Variants in HEATR5A observed in about 807,000 individuals in gnomAD.
The protein encoded by HEATR5A is HEAT repeat containing 5A.
A neutral mutation model predicts 218.8 loss-of-function variants in HEATR5A; 178 were observed. The observed-to-expected ratio is 0.81, with a 90% CI of 0.72 to 0.92. The LOEUF is 0.92. Among genes scored for constraint, HEATR5A ranks in the 40% least tolerant of loss-of-function variants. HEATR5A has a pLI of 0.00. For missense variants in HEATR5A, 2,420 were observed against 2,418.9 expected, an observed-to-expected ratio of 1.00 and a Z score of -0.01; for synonymous variants, 864 against 871.6, an observed-to-expected ratio of 0.99 and a Z score of 0.15.
rs1351816014 is a variant in HEATR5A, at chr14:31,315,781, C to T, written c.4207G>A (p.Ala1403Thr). ...TAAGAAATACCAACCTCTGCCCAGG[C>T]TTTAAGCACAGCTAAGATCTCCATG... ...STMEILAVLKAWAEVYIIAVQ... is the reference protein window; with the variant it reads ...STMEILAVLKTWAEVYIIAVQ... The change falls in exon 27 of 36, where the codon GCC becomes ACC. Residue 1403 changes from alanine (A) to threonine (T), a missense_variant. By Grantham distance (58) the Ala-to-Thr change is moderately conservative. Coordinates refer to ENST00000543095, the MANE Select transcript of HEATR5A (RefSeq NM_015473.4). 35 of 1,598,168 alleles carry T rather than the reference C, an allele frequency of 2.2e-5. No homozygotes were observed. In the East Asian group the frequency reaches 7.8e-4, roughly 36 times the overall value.
chr14:31,344,016 A>G lies in HEATR5A; in HGVS notation c.3108T>C (p.Cys1036=). The G allele has an allele frequency of 6.2e-7, 1 of 1,605,522 alleles. No homozygotes were observed. The highest frequency in any genetic ancestry group is 8.5e-7 in the Non-Finnish European group (1 of 1,176,522). The change falls in exon 21 of 36, where the codon TGT becomes TGC. Residue 1036 remains cysteine, a synonymous_variant. Coordinates refer to ENST00000543095, the MANE Select transcript of HEATR5A (RefSeq NM_015473.4). ...AGTCTGGGTTATCTTGCATTACTGCACAACCCAGTAGACAGGAAGTCCTTA... is the reference window on the plus strand; with the variant it reads ...AGTCTGGGTTATCTTGCATTACTGCGCAACCCAGTAGACAGGAAGTCCTTA... The part of the protein sequence containing the change: ...STLRTSCLLG[C]AVMQDNPDCL...
chr14:31,343,716 A>C lies in HEATR5A; in HGVS notation c.3228+180T>G, dbSNP rs374069289. The stretch of plus-strand genomic sequence containing the variant: ...AGAAAAATTAATAGAAGAGAGACTT[A>C]GGAGCTGATTGCATGAAAGCTGCCC... On this transcript the variant is annotated intron_variant, in intron 21 of 35. Coordinates refer to ENST00000543095, the MANE Select transcript of HEATR5A (RefSeq NM_015473.4). Among the ~76,000 whole-genome samples the C allele has an allele frequency of 1.2e-3, 178 of 152,344 alleles. 6 individuals carry two copies. The South Asian group carries it at 0.035, about 30-fold the overall frequency.
intron 7 of HEATR5A, among the ~76,000 whole-genome samples, chr14:31,388,074 A>G (rs1387267507): frequency 6.6e-6 from 1 of 152,218 alleles, no homozygotes; most frequent in Admixed American, 6.5e-5. Context: ...ATGCTCCAAC[A>G]TTATAACTCT....
In HEATR5A at chr14:31,344,043, G is replaced by A. The variant is rs747891195; in HGVS notation, c.3081C>T (p.Thr1027=). The change falls in exon 21 of 36, where the codon ACC becomes ACT. Residue 1027 remains threonine, a synonymous_variant. Coordinates refer to ENST00000543095, the MANE Select transcript of HEATR5A (RefSeq NM_015473.4). ...AACCCAGTAGACAGGAAGTCCTTAA[G>A]GTAGAAATTGAAGTACTGTTACCTA... ...ELQGNSTSIS[T]LRTSCLLGCA... is the part of the protein sequence containing the mutation. 1 of 1,542,620 alleles carries A rather than the reference G, an allele frequency of 6.5e-7. No homozygotes were observed. Among genetic ancestry groups the A allele is most frequent in the Admixed American group, 2.1e-5 (1 of 46,962 alleles).
chr14:31,308,931 G>T lies in HEATR5A; in HGVS notation c.4690+3C>A. The T allele has an allele frequency of 1.2e-6, 2 of 1,606,936 alleles. No homozygotes were observed. The highest frequency in any genetic ancestry group is 1.1e-5 in the South Asian group (1 of 90,632). On this transcript the variant is annotated splice_donor_region_variant and intron_variant, in intron 29 of 35. Coordinates refer to ENST00000543095, the MANE Select transcript of HEATR5A (RefSeq NM_015473.4). Reference sequence around the variant, plus strand: ...GTAAACTTGTAAAAGTGGTTTAACTGACCTAAAATAAGATGGAATCTATCA... The same window carrying T: ...GTAAACTTGTAAAAGTGGTTTAACTTACCTAAAATAAGATGGAATCTATCA...
At position 31,407,636 on chromosome 14, in the gene HEATR5A, A is replaced by G. The variant is rs541857707; in HGVS notation, c.-74-4587T>C. 2.6e-3 allele frequency among the ~76,000 whole-genome samples: 193 copies of G among 74,176 alleles called. 1 individual carries two copies. The Middle Eastern group carries it at 0.032, about 12-fold the overall frequency. 48.7% of individuals were successfully genotyped at this position (74,176 alleles called of 152,430 possible). On this transcript the variant is annotated intron_variant, in intron 1 of 35. Transcript: ENST00000543095. Reference sequence around the variant, plus strand: ...TATATATATATATATATATATATATATGTATTTTGGAGATGGAGTTTCACT... The same window carrying G: ...TATATATATATATATATATATATATGTGTATTTTGGAGATGGAGTTTCACT...
At chr14:31,371,118 A>G (rs1432242113) in intron 13 of HEATR5A, among the ~76,000 whole-genome samples, 1 of 152,132 alleles carries the variant, frequency 6.6e-6, no homozygotes, top group African/African-American at 2.4e-5. Context: ...TCATTCATTC[A>G]CCTATTATCC....
chr14:31,299,455 C>T (rs1252160243), intron 33 of HEATR5A, among the ~76,000 whole-genome samples: 3 of 152,324 alleles, frequency 2.0e-5, no homozygotes, highest in East Asian at 1.9e-4. Flanking sequence ...CACAGTGGCT[C>T]ATGCCTGTAA....
chr14:31,314,295 G>A (rs748619909), intron 27 of HEATR5A, among the ~76,000 whole-genome samples: 11 of 149,856 alleles, frequency 7.3e-5, no homozygotes, highest in African/African-American at 1.2e-4. Context: ...TTTCGCTCTT[G>A]TTCCCCAAGC....
At position 31,323,571 on chromosome 14, in the gene HEATR5A, A is replaced by C. The variant is rs1900173990; in HGVS notation, c.3781T>G (p.Ser1261Ala). The C allele has an allele frequency of 6.3e-7, 1 of 1,595,738 alleles. No individual in the cohort carries two copies. Among genetic ancestry groups the C allele is most frequent in the African/African-American group, 1.3e-5 (1 of 74,704 alleles). The change falls in exon 24 of 36, where the codon TCA becomes GCA. Residue 1261 changes from serine (S) to alanine (A), a missense_variant. Physicochemically the swap from Ser to Ala is moderately conservative, Grantham distance 99. Coordinates refer to ENST00000543095, the MANE Select transcript of HEATR5A (RefSeq NM_015473.4). ...TCATCACTATGTCACTTACTTCTTG[A>C]ATCTCTTTTTTTCATTTCTTGTGCT... ...ALAQEMKKRDSRNDFLVLHLA... is the reference protein window; with the variant it reads ...ALAQEMKKRDARNDFLVLHLA...
At chr14:31,315,532 A>G (rs1027940028) in intron 27 of HEATR5A, among the ~76,000 whole-genome samples, 5 of 152,222 alleles carry the variant, frequency 3.3e-5, no homozygotes, top group Non-Finnish European at 7.3e-5. Context: ...GGCTACTGTA[A>G]GTCTCTCTGG....
chr14:31,293,401 G>A lies in HEATR5A; in HGVS notation c.6045C>T (p.Gly2015=). The A allele has an allele frequency of 6.2e-7, 1 of 1,613,752 alleles. No homozygotes were observed. The highest frequency in any genetic ancestry group is 8.5e-7 in the Non-Finnish European group (1 of 1,179,690). ...TCTTGACTTTGACACTTTCCTGATTGCCCTTTATAGCAGCCTCAAGGCGGG... is the reference window on the plus strand; with the variant it reads ...TCTTGACTTTGACACTTTCCTGATTACCCTTTATAGCAGCCTCAAGGCGGG... ...LKARLEAAIK[G]NQESVKVKIP... The change falls in exon 36 of 36, where the codon GGC becomes GGT. Residue 2015 remains glycine (G), a synonymous_variant. Coordinates refer to ENST00000543095, the MANE Select transcript of HEATR5A (RefSeq NM_015473.4).
Position 31,345,091 on chromosome 14 carries a change from T to C in HEATR5A, c.3054A>G (p.Leu1018=), listed in dbSNP as rs755956965. The change falls in exon 20 of 36, where the codon CTA becomes CTG. Residue 1018 remains leucine, a synonymous_variant. Coordinates refer to ENST00000543095, the MANE Select transcript of HEATR5A (RefSeq NM_015473.4). ...CACAAAAGCAGCTATGCACACCTTGTAGCTCTGGACCTAACGTGGTAATAA... is the reference window on the plus strand; with the variant it reads ...CACAAAAGCAGCTATGCACACCTTGCAGCTCTGGACCTAACGTGGTAATAA... ...NALITTLGPE[L]QGNSTSISTL... 3 of 1,611,064 alleles carry C rather than the reference T, an allele frequency of 1.9e-6. No homozygotes were observed. Among genetic ancestry groups the C allele is most frequent in the Admixed American group, 1.7e-5 (1 of 58,844 alleles).
chr14:31,321,476 A>C (rs1208538813), intron 25 of HEATR5A, 23 bp downstream of exon 25: 1 of 1,535,308 alleles, frequency 6.5e-7, no homozygotes, highest in Admixed American at 2.1e-5. Flanking sequence ...TAATAATAAA[A>C]TTCTCTAAAA....
rs1441295280 is a variant in HEATR5A at position 31,293,552 on chromosome 14, G to T, written c.5894C>A (p.Ser1965Tyr). The part of the protein sequence containing the change: ...ILISFLLDEN[S>Y]LGSATSIMRN... ...CATTATGGAAGTTGCTGATCCCAGA[G>T]AATTTTCATCCAAAAGGAAGGAAAT... Residue 1965 changes from serine to tyrosine, a missense_variant, in exon 36 of 36, where the codon TCT (serine) becomes TAT (tyrosine). Coordinates refer to ENST00000543095, the MANE Select transcript of HEATR5A (RefSeq NM_015473.4). 6.2e-7 allele frequency: 1 copy of T among 1,613,692 alleles called. No individual in the cohort carries two copies. Among genetic ancestry groups the T allele is most frequent in the East Asian group, 2.2e-5 (1 of 44,882 alleles).
At position 31,318,498 on chromosome 14, in the gene HEATR5A, T is replaced by G. The variant is rs558892041; in HGVS notation, c.3970-206A>C. The stretch of plus-strand genomic sequence containing the variant: ...GAACGATCTTCTCTCCCCCTTTATT[T>G]TTTTTTGAGACGGAGTCTCGCCCTG... On this transcript the variant is annotated intron_variant, in intron 25 of 35. Transcript: ENST00000543095. Among the ~76,000 whole-genome samples, 8 of 152,358 alleles carry G rather than the reference T, an allele frequency of 5.3e-5. No individual in the cohort carries two copies. In the East Asian group the frequency reaches 1.2e-3, roughly 22 times the overall value.
At chr14:31,374,011 A>G (rs970707111) in intron 12 of HEATR5A, among the ~76,000 whole-genome samples, 1 of 152,154 alleles carries the variant, frequency 6.6e-6, no homozygotes, top group African/African-American at 2.4e-5. Flanking sequence ...TATACAACAT[A>G]CAAAATATGT....
chr14:31,313,304 A>T, intron 27 of HEATR5A, 114 bp from the exon 28 acceptor site: 1 of 734,514 alleles, frequency 1.4e-6, no homozygotes, highest in Non-Finnish European at 2.3e-6. Context: ...TGGACTTGAA[A>T]TGCACTGTGA....
chr14:31,332,157 T>C (rs941098942), intron 22 of HEATR5A, among the ~76,000 whole-genome samples: 6 of 152,270 alleles, frequency 3.9e-5, no homozygotes, highest in Admixed American at 3.9e-4. Context: ...TGCATAATTC[T>C]TTTGGGTTCA....
Sources: gnomAD v4.1 joint callset for allele counts (sites outside exome capture counted in the v4.1 genomes callset) on GRCh38, gnomAD v4.1.1 for gene constraint, MANE v1.5 for transcripts, NCBI Gene and HGNC (gene_info 2026-07-23, HGNC 2026-07-21) for gene names.